SEC16B: variants seen among roughly 807,000 people sequenced by gnomAD.
The protein encoded by SEC16B is protein transport protein Sec16B.
In SEC16B, 115 loss-of-function variants were observed where a neutral mutation model predicts 141.8. That is an observed-to-expected ratio of 0.81 (90% confidence interval 0.70 to 0.95). The LOEUF is 0.95. Ranked by LOEUF, SEC16B falls within the 40% of genes least tolerant of loss-of-function variation. The pLI is 0.00. For missense variants in SEC16B, 1,291 were observed against 1,312.3 expected, an observed-to-expected ratio of 0.98 and a Z score of 0.25; for synonymous variants, 493 against 492.5, an observed-to-expected ratio of 1.00 and a Z score of -0.01.
rs1179740224 is a variant in SEC16B at position 177,958,085 on chromosome 1, A to G, written c.1365+47T>C. ...GAGCAGCGGTGAGTGGTGGAGAGGG[A>G]TGGTGATTGCTTTTTCAAAATAAGT... On this transcript the variant is annotated intron_variant, in intron 10 of 25. Transcript: ENST00000308284. 2.3e-6 allele frequency: 3 copies of G among 1,299,910 alleles called. No homozygotes were observed. The African/African-American group carries it at 4.5e-5, about 19-fold the overall frequency. The allele number at this position is 1,299,910 out of a possible 1,614,324, so 80.5% of individuals were successfully genotyped here. A position where few individuals can be genotyped will look rare whatever the true frequency, so the allele number is the denominator to read the frequency against.
chr1:177,946,251 C>G, intron 14 of SEC16B, 169 bp downstream of exon 14: 1 of 679,898 alleles, frequency 1.5e-6, no homozygotes, highest in South Asian at 1.7e-5. Context: ...GTGGGGCCCA[C>G]GGGGCATCTC....
chr1:177,939,889 A>G, intron 17 of SEC16B, 112 bp from the exon 18 acceptor site: 1 of 873,096 alleles, frequency 1.1e-6, no homozygotes, highest in Non-Finnish European at 1.8e-6. Flanking sequence ...GGGAAAGACA[A>G]GGTAAGGGAA....
Position 177,967,750 on chromosome 1 carries a change from C to T in SEC16B, c.232G>A (p.Asp78Asn). ...QQPHYASRPGDWHQPVSGVDY... is the reference protein window; with the variant it reads ...QQPHYASRPGNWHQPVSGVDY... ...ACTCCAGACACAGGCTGATGCCAGT[C>T]CCCTGGCCTGGATGCATAATGGGGC... Residue 78 changes from aspartate to asparagine, a missense_variant, in exon 2 of 26, where the codon GAC (aspartate) becomes AAC (asparagine). Around this residue, in one of 3 missense-constraint regions of SEC16B, gnomAD observed 681 missense variants for 675.5 expected, o/e 1.01. Coordinates refer to ENST00000308284, the MANE Select transcript of SEC16B (RefSeq NM_033127.4). 5 of 1,613,898 alleles carry T rather than the reference C, an allele frequency of 3.1e-6. No individual in the cohort carries two copies. In the South Asian group the frequency reaches 3.3e-5, roughly 11 times the overall value.
chr1:177,977,467 A>G (rs1654215306), intron 1 of SEC16B, among the ~76,000 whole-genome samples: 1 of 152,210 alleles, frequency 6.6e-6, no homozygotes, highest in Non-Finnish European at 1.5e-5. Flanking sequence ...GAAGGTACCT[A>G]GGGGGCTAGT....
chr1:177,965,400 G>GGTGTGTGTGTGTGTGTGTGTGTGTGTGT (rs71108021), intron 3 of SEC16B, among the ~76,000 whole-genome samples: 123 of 151,114 alleles, frequency 8.1e-4, no homozygotes, highest in African/African-American at 2.9e-3. Context: ...GATGGGGATT[G>GGTGTGTGTGTGTGTGTGTGTGTGTGTGT]GTGTGTGTGT....
intron 7 of SEC16B, 163 bp downstream of exon 7, chr1:177,960,628 T>C (rs1207871064): frequency 1.3e-6 from 1 of 775,494 alleles, no homozygotes; most frequent in East Asian, 2.7e-5. Context: ...GCCCCACCCA[T>C]TCCTGCACCC....
intron 2 of SEC16B, among the ~76,000 whole-genome samples, 200 bp downstream of exon 2, chr1:177,967,483 A>G (rs368322168): frequency 7.9e-4 from 121 of 152,290 alleles, no homozygotes; most frequent in African/African-American, 2.8e-3. Context: ...CCACTAGGGG[A>G]AAAACAGGAG....
At chr1:177,941,538 T>C (rs1651276204) in intron 16 of SEC16B, among the ~76,000 whole-genome samples, 1 of 152,244 alleles carries the variant, frequency 6.6e-6, no homozygotes, top group African/African-American at 2.4e-5. Flanking sequence ...ATAAGGATCA[T>C]TTACTCTTTT....
intron 6 of SEC16B, chr1:177,961,345 T>G: frequency 2.0e-6 from 1 of 511,922 alleles, no homozygotes; most frequent in Non-Finnish European, 3.4e-6. Flanking sequence ...CACCACTGAG[T>G]GCCTCCTTTC....
chr1:177,948,370 G>A (rs1166345877), intron 12 of SEC16B: 2 of 1,304,874 alleles, frequency 1.5e-6, no homozygotes, highest in Admixed American at 4.6e-5. Flanking sequence ...GGGGGAACAC[G>A]GGCCTGCTTA....
At chr1:177,979,694 A>G (rs930403842) in intron 1 of SEC16B, among the ~76,000 whole-genome samples, 9 of 152,250 alleles carry the variant, frequency 5.9e-5, no homozygotes, top group African/African-American at 2.2e-4. Flanking sequence ...GGCAATTTAC[A>G]AAAGAAAGAG....
At chr1:177,945,885 G>A (rs1336782) in intron 14 of SEC16B, 31,544 of 176,142 alleles carry the variant, frequency 0.18, 3,101 homozygotes, top group Middle Eastern at 0.22. Context: ...AGCTGATTGA[G>A]GGCCTCCTGC....
At chr1:177,967,095 A>C (rs1653586169) in intron 2 of SEC16B, among the ~76,000 whole-genome samples, 1 of 152,184 alleles carries the variant, frequency 6.6e-6, no homozygotes, top group African/African-American at 2.4e-5. Context: ...ACCTCACTGC[A>C]ACCTCTTCCT....
intron 1 of SEC16B, among the ~76,000 whole-genome samples, chr1:177,968,845 C>T (rs1249394479): frequency 1.3e-5 from 2 of 152,132 alleles, no homozygotes; most frequent in African/African-American, 2.4e-5. Context: ...AAATAGAAGG[C>T]CATATCTCAG....
Position 177,964,324 on chromosome 1 carries a change from C to T in SEC16B, c.534-45G>A. 6 of 1,456,342 alleles carry T rather than the reference C, an allele frequency of 4.1e-6. No individual in the cohort carries two copies. In the South Asian group the frequency reaches 7.2e-5, roughly 18 times the overall value. The allele number at this position is 1,456,342 out of a possible 1,614,324, so 90.2% of individuals were successfully genotyped here. A position where few individuals can be genotyped will look rare whatever the true frequency, so the allele number is the denominator to read the frequency against. On this transcript the variant is annotated intron_variant, in intron 4 of 25. Coordinates refer to ENST00000308284, the MANE Select transcript of SEC16B (RefSeq NM_033127.4). ...GCAGTGAGCGGGGTCCTGGGCAAGC[C>T]AGCAAGGCTGAGGCACTCTCCGCCG...
chr1:177,966,392 C>T (rs1021072364), intron 2 of SEC16B, among the ~76,000 whole-genome samples: 1 of 152,150 alleles, frequency 6.6e-6, no homozygotes, highest in Non-Finnish European at 1.5e-5. Context: ...GTCTCCAATA[C>T]ACCACCGTAA....
In SEC16B at chr1:177,961,675, G is replaced by T; in HGVS notation, c.702C>A (p.Ser234Arg). The change falls in exon 6 of 26, where the codon AGC becomes AGA. Residue 234 changes from serine to arginine, a missense_variant. Coordinates refer to ENST00000308284, the MANE Select transcript of SEC16B (RefSeq NM_033127.4). ...TGATGTACTGACTGAGCTCATAGCTGCTGGAGCTGAGACCAGACTCACGCT... is the reference window on the plus strand; with the variant it reads ...TGATGTACTGACTGAGCTCATAGCTTCTGGAGCTGAGACCAGACTCACGCT... Reference protein sequence around the residue: ...LQQRESGLSSSSYELSQYIRD... With the variant: ...LQQRESGLSSRSYELSQYIRD... 3 of 1,613,938 alleles carry T rather than the reference G, an allele frequency of 1.9e-6. No homozygotes were observed. In the South Asian group the frequency reaches 3.3e-5, roughly 18 times the overall value.
At chr1:177,934,553 A>G (rs1241313969) in intron 20 of SEC16B, among the ~76,000 whole-genome samples, 1 of 152,230 alleles carries the variant, frequency 6.6e-6, no homozygotes, top group Non-Finnish European at 1.5e-5. Flanking sequence ...AGGGCTTTAT[A>G]TGTAGTGATT....
chr1:177,933,683 A>G, intron 20 of SEC16B, 47 bp from the exon 21 acceptor site: 1 of 1,602,012 alleles, frequency 6.2e-7, no homozygotes. Flanking sequence ...TTGACAGGTT[A>G]CCAAACACAT....
Sources: gnomAD v4.1 joint callset for allele counts (sites outside exome capture counted in the v4.1 genomes callset) on GRCh38, gnomAD v4.1.1 for gene constraint, gnomAD v4.1.1 regional missense constraint, MANE v1.5 for transcripts, NCBI Gene and HGNC (gene_info 2026-07-23, HGNC 2026-07-21) for gene names.